MRC2: variants seen among roughly 807,000 people sequenced by gnomAD.
The protein encoded by MRC2 is C-type mannose receptor 2.
Under a neutral mutation model 206.2 loss-of-function variants are expected in MRC2, and 84 were observed. The ratio of observed to expected loss-of-function variants is 0.41; its 90% confidence interval spans 0.34 to 0.49. The LOEUF (loss-of-function observed/expected upper bound fraction) is 0.49, where lower values mean the gene tolerates loss of function less well. Ranked by LOEUF, MRC2 falls within the 20% of genes least tolerant of loss-of-function variation. MRC2 has a pLI of 0.31. For synonymous variants in MRC2, 798 were observed against 800.0 expected (o/e 1.00, Z 0.04); for missense variants, 1,676 against 2,001.5 (o/e 0.84, Z 3.10).
At position 62,666,837 on chromosome 17, in the gene MRC2, A is replaced by G; in HGVS notation, c.940A>G (p.Asn314Asp). Residue 314 changes from asparagine (N) to aspartate (D), a missense_variant, in exon 5 of 30, where the codon AAC becomes GAC. Coordinates refer to ENST00000303375, the MANE Select transcript of MRC2 (RefSeq NM_006039.5). The surrounding 1 kb of genome is among the most constrained non-coding windows in gnomAD (Gnocchi z 5.0). ...GAGCGGAGGCTGGCAGTGGTCGGAC[A>G]ACTCGCCCCTCAAGTACCTCAACTG... Reference protein sequence around the residue: ...DTSGGWQWSDNSPLKYLNWES... With the variant: ...DTSGGWQWSDDSPLKYLNWES... The G allele has an allele frequency of 6.2e-7, 1 of 1,613,744 alleles. No individual in the cohort carries two copies. Among genetic ancestry groups the G allele is most frequent in the Non-Finnish European group, 8.5e-7 (1 of 1,179,936 alleles).
At chr17:62,651,072 C>T (rs1395804890) in intron 1 of MRC2, among the ~76,000 whole-genome samples, 1 of 151,670 alleles carries the variant, frequency 6.6e-6, no homozygotes, top group Non-Finnish European at 1.5e-5. Context: ...GTCATTCTGT[C>T]ATTTGACAAA....
At chr17:62,659,042 G>T (rs1006397876) in intron 1 of MRC2, among the ~76,000 whole-genome samples, 3 of 152,160 alleles carry the variant, frequency 2.0e-5, no homozygotes, top group African/African-American at 4.8e-5. Flanking sequence ...TAAGATCAAG[G>T]TTCCTGCCGA....
intron 20 of MRC2, among the ~76,000 whole-genome samples, chr17:62,686,289 C>T (rs562156090): frequency 6.6e-6 from 1 of 152,194 alleles, no homozygotes; most frequent in South Asian, 2.1e-4. Flanking sequence ...CCTGTCTCTA[C>T]TAAAAATACA....
rs146397202 is a variant in MRC2 at position 62,687,883 on chromosome 17, GA to G, written c.2947-394del. ...GGGAGACAGAGCGAGACTCTGTCTT[GA>G]AAAAAAAAAAAGTGTCCTAGAGATG... is the stretch of plus-strand genomic sequence containing the variant. On this transcript the variant is annotated intron_variant, in intron 20 of 29. Transcript: ENST00000303375. 1.9e-3 allele frequency among the ~76,000 whole-genome samples: 268 copies of G among 142,806 alleles called. 1 individual carries two copies. Among genetic ancestry groups the G allele is most frequent in the Non-Finnish European group, 2.3e-3 (148 of 64,908 alleles). The allele number at this position is 142,806 out of a possible 152,430, so 93.7% of individuals were successfully genotyped here.
rs1277265046 is a variant in MRC2, at chr17:62,658,925, G to A, written c.119-5623G>A. ...GCTGGTTTCTGGTTTCTGGTGGGTG[G>A]CTGAAAGGTGACCTAGTCTGTTTGG... On this transcript the variant is annotated intron_variant, in intron 1 of 29. Coordinates refer to ENST00000303375, the MANE Select transcript of MRC2 (RefSeq NM_006039.5). Among the ~76,000 whole-genome samples, 3 of 152,170 alleles carry A rather than the reference G, an allele frequency of 2.0e-5. No homozygotes were observed. The East Asian group carries it at 5.8e-4, about 29-fold the overall frequency.
intron 1 of MRC2, among the ~76,000 whole-genome samples, chr17:62,636,234 G>A (rs1271025066): frequency 7.1e-6 from 1 of 141,742 alleles, no homozygotes; most frequent in Non-Finnish European, 1.5e-5. Flanking sequence ...CTGGGCAACA[G>A]AGTGAGACCC....
chr17:62,634,707 C>T (rs886223763), intron 1 of MRC2, among the ~76,000 whole-genome samples: 3 of 152,118 alleles, frequency 2.0e-5, no homozygotes, highest in African/African-American at 4.8e-5. Context: ...TGTTGACCTC[C>T]GGTGTCATCC....
chr17:62,682,339 G>T lies in MRC2; in HGVS notation c.2908G>T (p.Gly970Trp). The stretch of plus-strand genomic sequence containing the variant: ...CCCAGACCTGCCAACTACAGCCCTG[G>T]GGGGCTGCCCCTCTGACTGGATCCA... ...QPPDLPTTALGGCPSDWIQFL... is the reference protein window; with the variant it reads ...QPPDLPTTALWGCPSDWIQFL... The change falls in exon 20 of 30, where the codon GGG becomes TGG. Residue 970 changes from glycine (G) to tryptophan (W), a missense_variant. By Grantham distance (184) the Gly-to-Trp change is radical. Transcript: ENST00000303375. 6.2e-7 allele frequency: 1 copy of T among 1,607,296 alleles called. No homozygotes were observed. Among genetic ancestry groups the T allele is most frequent in the Non-Finnish European group, 8.5e-7 (1 of 1,177,460 alleles).
In MRC2 at chr17:62,677,345, G is replaced by A. The variant is rs529880073; in HGVS notation, c.1911G>A (p.Ser637=). 12 of 1,608,856 alleles carry A rather than the reference G, an allele frequency of 7.5e-6. No individual in the cohort carries two copies. Among genetic ancestry groups the A allele is most frequent in the African/African-American group, 5.3e-5 (4 of 75,018 alleles). ...MGLWEVKNCT[S]FRARYICRQS... Reference sequence around the variant, plus strand: ...TGTGGGAGGTGAAGAACTGTACCTCGTTCCGGGCCCGCTACATCTGCCGGC... The same window carrying A: ...TGTGGGAGGTGAAGAACTGTACCTCATTCCGGGCCCGCTACATCTGCCGGC... The change falls in exon 12 of 30, where the codon TCG becomes TCA. Residue 637 remains serine, a synonymous_variant. Coordinates refer to ENST00000303375, the MANE Select transcript of MRC2 (RefSeq NM_006039.5).
chr17:62,688,110 C>T (rs1393128100), intron 20 of MRC2, among the ~76,000 whole-genome samples, 179 bp from the exon 21 acceptor site: 1 of 152,174 alleles, frequency 6.6e-6, no homozygotes, highest in Non-Finnish European at 1.5e-5. Flanking sequence ...TCTGCAGTGC[C>T]AAGCTGGGAG....
rs563849936 is a variant in MRC2, at chr17:62,639,110, G to A, written c.118+11190G>A. Among the ~76,000 whole-genome samples, 14 of 152,226 alleles carry A rather than the reference G, an allele frequency of 9.2e-5. No homozygotes were observed. The East Asian group carries it at 1.7e-3, about 19-fold the overall frequency. ...AGCACTTTGGGAGGCCAAGGCAGGC[G>A]GATCACCTGAGGTCAGGAGTTTTGA... On this transcript the variant is annotated intron_variant, in intron 1 of 29. Coordinates refer to ENST00000303375, the MANE Select transcript of MRC2 (RefSeq NM_006039.5).
chr17:62,659,375 A>G (rs1321020263), intron 1 of MRC2, among the ~76,000 whole-genome samples: 1 of 152,114 alleles, frequency 6.6e-6, no homozygotes, highest in Non-Finnish European at 1.5e-5. Context: ...CTGCGTCTGT[A>G]CTAAAAATAC....
Position 62,692,001 on chromosome 17 carries a change from C to G in MRC2, c.4193-111C>G. On this transcript the variant is annotated intron_variant, in intron 28 of 29. Transcript: ENST00000303375. This position sits in a 1 kb window ranked among gnomAD's most constrained non-coding sequence, Gnocchi z 4.2. ...GTAGGATGGGAGGGGGAACTAGAGC[C>G]TCTTTCTCCCCAGACCTCCCGGCCC... 1.4e-6 allele frequency: 2 copies of G among 1,424,376 alleles called. No individual in the cohort carries two copies. The highest frequency in any genetic ancestry group is 3.6e-5 in the Admixed American group (2 of 55,596). 88.2% of individuals were successfully genotyped at this position (1,424,376 alleles called of 1,614,324 possible).
chr17:62,631,526 G>A (rs2084215877), intron 1 of MRC2, among the ~76,000 whole-genome samples: 1 of 152,044 alleles, frequency 6.6e-6, no homozygotes, highest in Admixed American at 6.5e-5. Context: ...TGTGTGTTAG[G>A]AAAGCCTGGG....
intron 6 of MRC2, among the ~76,000 whole-genome samples, chr17:62,670,594 T>A (rs1291924580): frequency 6.6e-6 from 1 of 152,230 alleles, no homozygotes; most frequent in Non-Finnish European, 1.5e-5. Flanking sequence ...AAGTAAGGGC[T>A]TGTTTGCCTC....
At position 62,680,115 on chromosome 17, in the gene MRC2, G is replaced by C; in HGVS notation, c.2299-55G>C. 6.2e-7 allele frequency: 1 copy of C among 1,608,492 alleles called. No homozygotes were observed. The highest frequency in any genetic ancestry group is 1.1e-5 in the South Asian group (1 of 90,354). ...TCTTGTTCACCTGTTCCGGGCATGGGGGCGGCCTGCACCTTGCGCCTCACG... is the reference window on the plus strand; with the variant it reads ...TCTTGTTCACCTGTTCCGGGCATGGCGGCGGCCTGCACCTTGCGCCTCACG... On this transcript the variant is annotated intron_variant, in intron 14 of 29. Transcript: ENST00000303375. This position sits in a 1 kb window ranked among gnomAD's most constrained non-coding sequence, Gnocchi z 4.8.
chr17:62,630,267 G>T (rs2084205984), intron 1 of MRC2, among the ~76,000 whole-genome samples: 1 of 152,226 alleles, frequency 6.6e-6, no homozygotes, highest in African/African-American at 2.4e-5. Context: ...CCCTTCATGT[G>T]CAAGTTCCCA....
At chr17:62,644,874 A>C (rs2088456510) in intron 1 of MRC2, among the ~76,000 whole-genome samples, 1 of 151,992 alleles carries the variant, frequency 6.6e-6, no homozygotes, top group Non-Finnish European at 1.5e-5. Flanking sequence ...CTGTGTCTGC[A>C]GGGAACCACC....
At position 62,652,061 on chromosome 17, in the gene MRC2, T is replaced by C. The variant is rs548438353; in HGVS notation, c.119-12487T>C. Among the ~76,000 whole-genome samples, 2 of 152,354 alleles carry C rather than the reference T, an allele frequency of 1.3e-5. No homozygotes were observed. Among genetic ancestry groups the C allele is most frequent in the South Asian group, 4.1e-4 (2 of 4,822 alleles). ...GCCCAAAGATTTTCTTCATTTCTGCTGACTCTTCAATGAACCAGAGGGGCA... is the reference window on the plus strand; with the variant it reads ...GCCCAAAGATTTTCTTCATTTCTGCCGACTCTTCAATGAACCAGAGGGGCA... On this transcript the variant is annotated intron_variant, in intron 1 of 29. Coordinates refer to ENST00000303375, the MANE Select transcript of MRC2 (RefSeq NM_006039.5). This position sits in a 1 kb window ranked among gnomAD's most constrained non-coding sequence, Gnocchi z 4.6.
Sources: allele counts gnomAD v4.1 joint callset (sites outside exome capture counted in the v4.1 genomes callset), GRCh38; gene constraint gnomAD v4.1.1; non-coding constraint Gnocchi (gnomAD v3.1); transcripts MANE v1.5; gene names NCBI Gene and HGNC (gene_info 2026-07-23, HGNC 2026-07-21).